CTNNA3: variants seen among roughly 807,000 people sequenced by gnomAD.
CTNNA3 encodes catenin alpha 3, also known as catenin alpha-3.
In CTNNA3, 76 loss-of-function variants were observed where a neutral mutation model predicts 95.7. The observed-to-expected ratio is 0.79, with a 90% CI of 0.66 to 0.96. CTNNA3 has a LOEUF of 0.96. Ranked by LOEUF, CTNNA3 falls within the 40% of genes least tolerant of loss-of-function variation. The pLI, the probability that CTNNA3 is intolerant of heterozygous loss-of-function variation, is 0.00. For synonymous variants in CTNNA3, 431 were observed against 374.4 expected, an observed-to-expected ratio of 1.15 and a Z score of -1.74; for missense variants, 1,191 against 1,089.8, an observed-to-expected ratio of 1.09 and a Z score of -1.31.
At chr10:67,456,146 T>C (rs1847165759) in intron 5 of CTNNA3, among the ~76,000 whole-genome samples, 1 of 152,128 alleles carries the variant, frequency 6.6e-6, no homozygotes, top group African/African-American at 2.4e-5. Context: ...TGGAAGAGAA[T>C]TAGATCCTAA....
intron 11 of CTNNA3, among the ~76,000 whole-genome samples, chr10:66,479,176 A>G (rs1373568796): frequency 6.6e-6 from 1 of 151,914 alleles, no homozygotes; most frequent in African/African-American, 2.4e-5. Context: ...AACCACCTCT[A>G]TTATCTATCA....
chr10:67,637,495 A>C (rs1014102941), intron 2 of CTNNA3, among the ~76,000 whole-genome samples: 1 of 152,216 alleles, frequency 6.6e-6, no homozygotes, highest in Non-Finnish European at 1.5e-5. Flanking sequence ...CAACATTCAA[A>C]TTCAGGAAAT....
intron 13 of CTNNA3, among the ~76,000 whole-genome samples, chr10:66,111,068 G>A (rs1030648141): frequency 6.6e-6 from 1 of 152,250 alleles, no homozygotes. Flanking sequence ...TTTGTGCTCC[G>A]GACAAAATCT....
chr10:66,389,273 T>A (rs952121294), intron 11 of CTNNA3, among the ~76,000 whole-genome samples: 4 of 151,986 alleles, frequency 2.6e-5, no homozygotes, highest in African/African-American at 7.2e-5. Flanking sequence ...TAAAATGAGG[T>A]TAAAAGAAAG....
chr10:66,077,901 A>G (rs2169665), intron 14 of CTNNA3, among the ~76,000 whole-genome samples: 43,213 of 151,464 alleles, frequency 0.29, 6,885 homozygotes, highest in South Asian at 0.43. Context: ...AGGGTTGGTA[A>G]ATTTGTTTAG....
At chr10:65,997,714 G>A (rs563574883) in intron 15 of CTNNA3, among the ~76,000 whole-genome samples, 48 of 152,138 alleles carry the variant, frequency 3.2e-4, no homozygotes, top group African/African-American at 1.1e-3. Context: ...CTGTTTACTT[G>A]CTGTTAAGTA....
In CTNNA3 at chr10:66,846,593, G is replaced by A. The variant is rs147385542; in HGVS notation, c.1048-71069C>T. 4.2e-3 allele frequency among the ~76,000 whole-genome samples: 631 copies of A among 150,824 alleles called. 7 individuals carry two copies. Among genetic ancestry groups the A allele is most frequent in the African/African-American group, 0.014 (563 of 41,052 alleles). On this transcript the variant is annotated intron_variant, in intron 7 of 17. Transcript: ENST00000433211. The stretch of plus-strand genomic sequence containing the variant: ...ATATACCATATGTGTGTGTGTGTGT[G>A]TATATATATATACACAAATTTCATT...
chr10:66,150,144 C>T (rs1468364398), intron 13 of CTNNA3, among the ~76,000 whole-genome samples: 1 of 152,180 alleles, frequency 6.6e-6, no homozygotes, highest in East Asian at 1.9e-4. Context: ...TGGGGGGAAC[C>T]CCGTGGGAGG....
At chr10:67,247,042 A>T (rs1421121633) in intron 5 of CTNNA3, among the ~76,000 whole-genome samples, 1 of 152,222 alleles carries the variant, frequency 6.6e-6, no homozygotes, top group Non-Finnish European at 1.5e-5. Flanking sequence ...CCACAGCTAA[A>T]ATCATAATTA....
chr10:66,033,773 C>T (rs569652434), intron 15 of CTNNA3, among the ~76,000 whole-genome samples: 1 of 152,188 alleles, frequency 6.6e-6, no homozygotes, highest in African/African-American at 2.4e-5. Context: ...AACTTCAGAC[C>T]CAACCAGATG....
chr10:66,919,236 G>A (rs766325134), intron 7 of CTNNA3, among the ~76,000 whole-genome samples: 6 of 151,282 alleles, frequency 4.0e-5, no homozygotes, highest in East Asian at 1.9e-4. Flanking sequence ...TGTGAGTATC[G>A]ACGAAATAAA....
chr10:66,426,520 G>T (rs1487962748), intron 11 of CTNNA3, among the ~76,000 whole-genome samples: 1 of 151,892 alleles, frequency 6.6e-6, no homozygotes, highest in Non-Finnish European at 1.5e-5. Flanking sequence ...ACTCTTAAAG[G>T]ATAGCTTAGC....
intron 10 of CTNNA3, among the ~76,000 whole-genome samples, chr10:66,603,910 C>T (rs999533845): frequency 6.6e-6 from 1 of 151,980 alleles, no homozygotes; most frequent in Non-Finnish European, 1.5e-5. Context: ...CCATCTTTCA[C>T]CATATACAAA....
At chr10:66,942,548 GTCTCTCTCTCTCTC>G in intron 7 of CTNNA3, among the ~76,000 whole-genome samples, 1 of 148,128 alleles carries the variant, frequency 6.8e-6, no homozygotes, top group South Asian at 2.2e-4. Context: ...TTGCCATAAT[GTCTCTCTCTCTCTC>G]TCTCTCTCTC....
chr10:67,015,705 ATT>A (rs57989240), intron 7 of CTNNA3, among the ~76,000 whole-genome samples: 11 of 151,934 alleles, frequency 7.2e-5, no homozygotes, highest in Non-Finnish European at 1.5e-4. Flanking sequence ...CTTTGTAACA[ATT>A]TTCTTCTTTT....
rs1564617422 is a variant in CTNNA3 at position 66,685,323 on chromosome 10, G to GTATA, written c.1282-63540_1282-63539insTATA. On this transcript the variant is annotated intron_variant, in intron 9 of 17. Coordinates refer to ENST00000433211, the MANE Select transcript of CTNNA3 (RefSeq NM_013266.4). ...TGTATATATATGTGTGTGTGTATGT[G>GTATA]TGTATATATATATATATATATATAT... Among the ~76,000 whole-genome samples, 47 of 34,868 alleles carry GTATA rather than the reference G, an allele frequency of 1.3e-3. 2 individuals carry two copies. The highest frequency in any genetic ancestry group is 2.2e-3 in the African/African-American group (17 of 7,582). The allele number at this position is 34,868 out of a possible 152,430, so 22.9% of individuals were successfully genotyped here.
intron 7 of CTNNA3, among the ~76,000 whole-genome samples, chr10:66,895,464 TA>T (rs1845443794): frequency 6.6e-6 from 1 of 152,172 alleles, no homozygotes; most frequent in East Asian, 1.9e-4. Context: ...ATGTTAATAT[TA>T]AAAATTTCTT....
chr10:66,776,046 T>C (rs1840282445), intron 7 of CTNNA3, among the ~76,000 whole-genome samples: 1 of 152,186 alleles, frequency 6.6e-6, no homozygotes, highest in Non-Finnish European at 1.5e-5. Context: ...AACAAATTGT[T>C]TTAAGTAAGA....
chr10:67,219,724 A>C lies in CTNNA3; in HGVS notation c.726T>G (p.Cys242Trp), dbSNP rs1864561625. ...CATTGAGAGCATTCTGAATTTCTTCACAAACTGTGTCCTTGCTTGCTTTGA... is the reference window on the plus strand; with the variant it reads ...CATTGAGAGCATTCTGAATTTCTTCCCAAACTGTGTCCTTGCTTGCTTTGA... ...ASLKASKDTV[C>W]EEIQNALNVI... Residue 242 changes from cysteine (C) to tryptophan (W), a missense_variant, in exon 6 of 18, where the codon TGT becomes TGG. Physicochemically the swap from Cys to Trp is radical, Grantham distance 215. Transcript: ENST00000433211. The C allele has an allele frequency of 1.2e-6, 2 of 1,614,114 alleles. No homozygotes were observed. Among genetic ancestry groups the C allele is most frequent in the African/African-American group, 2.7e-5 (2 of 75,026 alleles).
Sources: gnomAD v4.1 joint callset for allele counts (sites outside exome capture counted in the v4.1 genomes callset) on GRCh38, gnomAD v4.1.1 for gene constraint, MANE v1.5 for transcripts, NCBI Gene and HGNC (gene_info 2026-07-23, HGNC 2026-07-21) for gene names.